Variants in RIT2 observed in about 807,000 individuals in gnomAD.
The protein encoded by RIT2 is GTP-binding protein Rit2.
RIT2 carries 24 observed loss-of-function variants against 23.7 expected under a neutral mutation model. That is an observed-to-expected ratio of 1.01 (90% CI 0.73 to 1.43). The LOEUF is 1.43. Among genes scored for constraint, RIT2 ranks in the 40% most tolerant of loss-of-function variants. The pLI, the probability that RIT2 is intolerant of heterozygous loss-of-function variation, is 0.00. For missense variants in RIT2, 236 were observed against 266.9 expected (o/e 0.88, Z 0.81); for synonymous variants, 107 against 91.1 (o/e 1.17, Z -0.99).
intron 4 of RIT2, among the ~76,000 whole-genome samples, chr18:42,760,572 A>G (rs1913276811): frequency 6.6e-6 from 1 of 152,192 alleles, no homozygotes; most frequent in Non-Finnish European, 1.5e-5. Context: ...GATACACTGG[A>G]AAAAAGCATC....
At chr18:42,752,234 A>T (rs1913062294) in intron 4 of RIT2, among the ~76,000 whole-genome samples, 1 of 152,178 alleles carries the variant, frequency 6.6e-6, no homozygotes, top group Admixed American at 6.6e-5. Context: ...GTATTACAAG[A>T]AGTAACAGCT....
chr18:42,823,112 C>G (rs1410061067), intron 4 of RIT2, among the ~76,000 whole-genome samples: 1 of 152,056 alleles, frequency 6.6e-6, no homozygotes, highest in Non-Finnish European at 1.5e-5. Flanking sequence ...CTGAGAGCCT[C>G]AAATCAGATA....
chr18:42,967,453 T>A (rs1316674083), intron 3 of RIT2, among the ~76,000 whole-genome samples: 7 of 151,080 alleles, frequency 4.6e-5, no homozygotes, highest in Non-Finnish European at 1.0e-4. Flanking sequence ...CACTGAAAGC[T>A]CCGCCTCCCG....
intron 2 of RIT2, among the ~76,000 whole-genome samples, chr18:43,025,285 G>C (rs921674572): frequency 1.3e-4 from 20 of 151,102 alleles, no homozygotes; most frequent in African/African-American, 4.9e-4. Context: ...TCTTGGTGAG[G>C]ATTGCAGAGC....
At chr18:42,746,519 A>G (rs1403946293) in intron 4 of RIT2, among the ~76,000 whole-genome samples, 1 of 152,026 alleles carries the variant, frequency 6.6e-6, no homozygotes, top group Non-Finnish European at 1.5e-5. Context: ...AAAGGGGAAT[A>G]TTTTATAATA....
chr18:42,775,148 C>A (rs886657772), intron 4 of RIT2, among the ~76,000 whole-genome samples: 1 of 152,188 alleles, frequency 6.6e-6, no homozygotes, highest in Non-Finnish European at 1.5e-5. Context: ...ATGCAACCTT[C>A]ACCACAGTTT....
At chr18:43,049,750 A>G (rs1912332031) in intron 1 of RIT2, among the ~76,000 whole-genome samples, 1 of 152,000 alleles carries the variant, frequency 6.6e-6, no homozygotes, top group African/African-American at 2.4e-5. Context: ...ACTTACAGGC[A>G]AAGGAAATAG....
intron 3 of RIT2, among the ~76,000 whole-genome samples, chr18:42,957,320 G>A (rs1247425175): frequency 6.6e-6 from 1 of 152,074 alleles, no homozygotes; most frequent in East Asian, 1.9e-4. Context: ...GAATCTATAA[G>A]AATTCAGAAT....
chr18:42,796,073 G>C (rs1905341971), intron 4 of RIT2, among the ~76,000 whole-genome samples: 1 of 152,058 alleles, frequency 6.6e-6, no homozygotes, highest in Non-Finnish European at 1.5e-5. Context: ...AACCCGCTCA[G>C]GTCCTCTTCC....
intron 1 of RIT2, among the ~76,000 whole-genome samples, chr18:43,088,957 T>C (rs1038355543): frequency 2.0e-5 from 3 of 152,112 alleles, no homozygotes; most frequent in Non-Finnish European, 4.4e-5. Context: ...GAGAGTTCAC[T>C]GAAAATACAG....
chr18:42,845,649 G>T (rs1052026559), intron 4 of RIT2, among the ~76,000 whole-genome samples: 4 of 149,144 alleles, frequency 2.7e-5, no homozygotes. Context: ...AATTATAATA[G>T]AAATATTACA....
At position 42,744,930 on chromosome 18, in the gene RIT2, A is replaced by T. The variant is rs565602119; in HGVS notation, c.427-1210T>A. On this transcript the variant is annotated intron_variant, in intron 4 of 4. Transcript: ENST00000326695. ...ATGCTGTTGTAATGGATCTCTAGAA[A>T]TCATAAACTGACTGAGGCCAGGGAC... is the stretch of plus-strand genomic sequence containing the variant. Among the ~76,000 whole-genome samples, 23 of 152,258 alleles carry T rather than the reference A, an allele frequency of 1.5e-4. No homozygotes were observed. The South Asian group carries it at 4.1e-3, about 27-fold the overall frequency.
At chr18:42,933,075 G>T (rs1909366074) in intron 3 of RIT2, among the ~76,000 whole-genome samples, 2 of 151,962 alleles carry the variant, frequency 1.3e-5, no homozygotes, top group South Asian at 2.1e-4. Flanking sequence ...CACTTATATT[G>T]CTTGGTAGAT....
rs201814254 is a variant in RIT2 at position 43,115,485 on chromosome 18, C to T, written c.35G>A (p.Gly12Asp). The change falls in exon 1 of 5, where the codon GGC (glycine) becomes GAC (aspartate). Residue 12 changes from glycine (G) to aspartate (D), a missense_variant. Transcript: ENST00000326695. ...CTCTCTGGACCCGCCTGATGCGCTG[C>T]CCGGGGAGCAGCTGGCTTCATTTTC... ...EVENEASCSP[G>D]SASGGSREYK... The T allele has an allele frequency of 6.2e-7, 1 of 1,613,446 alleles. No individual in the cohort carries two copies. Among genetic ancestry groups the T allele is most frequent in the African/African-American group, 1.3e-5 (1 of 75,004 alleles).
intron 2 of RIT2, among the ~76,000 whole-genome samples, chr18:43,014,679 G>A (rs573472811): frequency 1.9e-4 from 28 of 151,300 alleles, no homozygotes; most frequent in African/African-American, 4.6e-4. Flanking sequence ...GGAAGAAAAC[G>A]TGGGAATAAA....
At chr18:42,747,192 A>G (rs971323315) in intron 4 of RIT2, among the ~76,000 whole-genome samples, 3 of 152,074 alleles carry the variant, frequency 2.0e-5, no homozygotes, top group Non-Finnish European at 4.4e-5. Context: ...AAATGAATTC[A>G]GCAAATTACA....
At position 43,037,027 on chromosome 18, in the gene RIT2, C is replaced by G. The variant is rs142420732; in HGVS notation, c.104-3160G>C. 3.3e-3 allele frequency among the ~76,000 whole-genome samples: 505 copies of G among 152,278 alleles called. 2 individuals are homozygous for G. Among genetic ancestry groups the G allele is most frequent in the African/African-American group, 0.012 (485 of 41,556 alleles). ...TCTATTATTCCTTGCTAAAGAGCAA[C>G]TTCATAAGAAACTCAAACAACATAA... On this transcript the variant is annotated intron_variant, in intron 1 of 4. Coordinates refer to ENST00000326695, the MANE Select transcript of RIT2 (RefSeq NM_002930.4).
chr18:43,038,121 T>C (rs1316653276), intron 1 of RIT2, among the ~76,000 whole-genome samples: 2 of 147,916 alleles, frequency 1.4e-5, no homozygotes, highest in African/African-American at 2.5e-5. Context: ...AGGAGAATAG[T>C]GTGAACCCGA....
chr18:42,767,640 G>A (rs754587083), intron 4 of RIT2, among the ~76,000 whole-genome samples: 39 of 152,268 alleles, frequency 2.6e-4, no homozygotes, highest in Middle Eastern at 6.8e-3. Context: ...CTTGCAATGT[G>A]AGGACATGAG....
Sources: allele counts gnomAD v4.1 joint callset (sites outside exome capture counted in the v4.1 genomes callset), GRCh38; gene constraint gnomAD v4.1.1; transcripts MANE v1.5; gene names NCBI Gene and HGNC (gene_info 2026-07-23, HGNC 2026-07-21).